The following CENPL variants were observed in gnomAD, a reference collection of about 807,000 sequenced individuals.
CENPL encodes centromere protein L.
Under a neutral mutation model 35.2 loss-of-function variants are expected in CENPL, and 20 were observed. The ratio of observed to expected loss-of-function variants is 0.57; its 90% confidence interval spans 0.40 to 0.83. The LOEUF is 0.83. Among genes scored for constraint, CENPL ranks in the 40% least tolerant of loss-of-function variants. The probability of loss-of-function intolerance (pLI) is 0.00; values close to 1 mark genes in which losing one functional copy is unlikely to be tolerated. For missense variants in CENPL, 363 were observed against 395.8 expected (o/e 0.92, Z 0.70); for synonymous variants, 140 against 140.6 (o/e 1.00, Z 0.03).
chr1:173,819,202 C>T (rs1651702222), intron 2 of CENPL, among the ~76,000 whole-genome samples: 1 of 151,878 alleles, frequency 6.6e-6, no homozygotes, highest in African/African-American at 2.4e-5. Flanking sequence ...CCACCGAATT[C>T]CAGCCTGGGT....
intron 3 of CENPL, 143 bp from the exon 4 acceptor site, chr1:173,807,661 T>C: frequency 1.6e-6 from 1 of 608,266 alleles, no homozygotes; most frequent in Non-Finnish European, 2.8e-6. Flanking sequence ...CAGGACTTTT[T>C]GCAGATCCTT....
Position 173,800,438 on chromosome 1 carries a change from A to T in CENPL, c.*10T>A, listed in dbSNP as rs747250403. 1 of 1,154,196 alleles carries T rather than the reference A, an allele frequency of 8.7e-7. No homozygotes were observed. The highest frequency in any genetic ancestry group is 1.2e-5 in the South Asian group (1 of 80,254). 71.5% of individuals were successfully genotyped at this position (1,154,196 alleles called of 1,614,324 possible). On this transcript the variant is annotated 3_prime_UTR_variant, in exon 6 of 6. Transcript: ENST00000682279. ...GTATATAATCTATAACTTATAGTCCACATAAGGCTTCACTCAATTTGAAAA... is the reference window on the plus strand; with the variant it reads ...GTATATAATCTATAACTTATAGTCCTCATAAGGCTTCACTCAATTTGAAAA...
Position 173,806,644 on chromosome 1 carries a change from A to C in CENPL, c.420+623T>G, listed in dbSNP as rs1406753673. On this transcript the variant is annotated intron_variant, in intron 4 of 5. Coordinates refer to ENST00000682279, the MANE Select transcript of CENPL (RefSeq NM_001387287.1). ...TTATATTCCTTCCTGTAAGTAGTAT[A>C]TAAGAGCAACAGAACTATCTTAAGA... 9 of 234,534 alleles carry C rather than the reference A, an allele frequency of 3.8e-5. No individual in the cohort carries two copies. In the East Asian group the frequency reaches 6.3e-4, roughly 16 times the overall value. 14.5% of individuals were successfully genotyped at this position (234,534 alleles called of 1,614,324 possible). A position where few individuals can be genotyped will look rare whatever the true frequency, so the allele number is the denominator to read the frequency against.
intron 4 of CENPL, among the ~76,000 whole-genome samples, chr1:173,805,890 G>A (rs1650181472): frequency 6.6e-6 from 1 of 152,026 alleles, no homozygotes; most frequent in African/African-American, 2.4e-5. Context: ...TTAATTCACT[G>A]TTATTTAGGC....
intron 3 of CENPL, among the ~76,000 whole-genome samples, chr1:173,808,103 G>T (rs1042794126): frequency 1.3e-5 from 2 of 151,970 alleles, no homozygotes; most frequent in Admixed American, 6.6e-5. Flanking sequence ...AATTTGATTA[G>T]TCTTAATTTA....
At chr1:173,809,172 C>T (rs1650557148) in intron 3 of CENPL, among the ~76,000 whole-genome samples, 1 of 152,088 alleles carries the variant, frequency 6.6e-6, no homozygotes. Context: ...GAAACCCGGT[C>T]TCTACTAACA....
At chr1:173,817,598 A>G (rs1251862727) in intron 2 of CENPL, among the ~76,000 whole-genome samples, 3 of 152,328 alleles carry the variant, frequency 2.0e-5, no homozygotes, top group East Asian at 3.9e-4. Context: ...ACAGTGTGGC[A>G]ATTCCTCAAG....
Position 173,823,995 on chromosome 1 carries a change from A to G in CENPL, c.-77T>C, listed in dbSNP as rs550690172. The G allele has an allele frequency of 1.3e-5, 2 of 152,026 alleles. No individual in the cohort carries two copies. Among genetic ancestry groups the G allele is most frequent in the East Asian group, 3.9e-4 (2 of 5,176 alleles). 9.4% of individuals were successfully genotyped at this position (152,026 alleles called of 1,614,324 possible). On this transcript the variant is annotated 5_prime_UTR_variant, in exon 2 of 6. Coordinates refer to ENST00000682279, the MANE Select transcript of CENPL (RefSeq NM_001387287.1). The stretch of plus-strand genomic sequence containing the variant: ...AATCATTCTTCAAAAGTCCGGCTCC[A>G]AAACTATGTGGAGACTGAAATCCCC...
chr1:173,813,856 C>T (rs1018290125), intron 2 of CENPL, among the ~76,000 whole-genome samples: 1 of 152,024 alleles, frequency 6.6e-6, no homozygotes, highest in African/African-American at 2.4e-5. Flanking sequence ...GGACTAAATA[C>T]CCCCATTAAA....
intron 2 of CENPL, among the ~76,000 whole-genome samples, chr1:173,821,394 G>A (rs1047393428): frequency 6.6e-6 from 1 of 152,150 alleles, no homozygotes; most frequent in Admixed American, 6.6e-5. Flanking sequence ...GATCAATTAT[G>A]AGGCAACATA....
intron 3 of CENPL, among the ~76,000 whole-genome samples, chr1:173,808,180 G>C (rs551210033): frequency 7.0e-4 from 106 of 152,230 alleles, no homozygotes; most frequent in African/African-American, 2.5e-3. Flanking sequence ...GGCTGAGGCA[G>C]GCGGATCACA....
intron 4 of CENPL, among the ~76,000 whole-genome samples, chr1:173,805,962 G>A (rs1457489485): frequency 6.6e-6 from 1 of 152,150 alleles, no homozygotes; most frequent in Non-Finnish European, 1.5e-5. Flanking sequence ...TCAGGGGTCA[G>A]CAAATTTTTT....
intron 2 of CENPL, among the ~76,000 whole-genome samples, chr1:173,816,012 C>CA (rs1651337626): frequency 6.6e-6 from 1 of 152,144 alleles, no homozygotes. Context: ...AATCAATGTG[C>CA]AAAAATCACA....
At chr1:173,816,192 A>G (rs1651358691) in intron 2 of CENPL, among the ~76,000 whole-genome samples, 2 of 152,214 alleles carry the variant, frequency 1.3e-5, no homozygotes, top group Admixed American at 1.3e-4. Context: ...GAGGACACAA[A>G]CAAATGGAAG....
intron 2 of CENPL, chr1:173,823,516 T>G (rs566828049): frequency 6.6e-6 from 1 of 152,344 alleles, no homozygotes; most frequent in African/African-American, 2.4e-5. Flanking sequence ...ATGATCACTC[T>G]ACTGTTCTCC....
chr1:173,803,132 C>A lies in CENPL; in HGVS notation c.794G>T (p.Trp265Leu), dbSNP rs1189955949. The change falls in exon 5 of 6, where the codon TGG becomes TTG. Residue 265 changes from tryptophan to leucine, a missense_variant. Trp to Leu is a moderately conservative substitution (Grantham distance 61). Transcript: ENST00000682279. Reference protein sequence around the residue: ...AIHPEDAKALWDSVHKTPGEV... With the variant: ...AIHPEDAKALLDSVHKTPGEV... Reference sequence around the variant, plus strand: ...CCCAGGTGTTTTGTGGACACTGTCCCATAGAGCTTTTGCATCCTCTGGATG... The same window carrying A: ...CCCAGGTGTTTTGTGGACACTGTCCAATAGAGCTTTTGCATCCTCTGGATG... The A allele has an allele frequency of 2.5e-6, 4 of 1,614,002 alleles. No individual in the cohort carries two copies. The highest frequency in any genetic ancestry group is 3.4e-6 in the Non-Finnish European group (4 of 1,179,984).
chr1:173,821,207 C>T (rs1651909591), intron 2 of CENPL, among the ~76,000 whole-genome samples: 1 of 152,174 alleles, frequency 6.6e-6, no homozygotes. Flanking sequence ...CTCATTTAAT[C>T]TTCAAACAAC....
In CENPL at chr1:173,803,488, T is replaced by C. The variant is rs528965924; in HGVS notation, c.438A>G (p.Gln146=). 15 of 1,571,236 alleles carry C rather than the reference T, an allele frequency of 9.5e-6. No individual in the cohort carries two copies. Among genetic ancestry groups the C allele is most frequent in the African/African-American group, 8.2e-5 (6 of 73,338 alleles). Residue 146 remains glutamine (Q), a synonymous_variant, in exon 5 of 6, where the codon CAA becomes CAG. Coordinates refer to ENST00000682279, the MANE Select transcript of CENPL (RefSeq NM_001387287.1). ...AFLVQIVSKS[Q]LPSENREGKV... is the part of the protein sequence containing the mutation. The stretch of plus-strand genomic sequence containing the variant: ...TACCTTCTCTATTCTCAGATGGCAA[T>C]TGAGATTTTGACACAATCTACAAAG...
chr1:173,815,800 C>A (rs190772935), intron 2 of CENPL, among the ~76,000 whole-genome samples: 1 of 152,272 alleles, frequency 6.6e-6, no homozygotes, highest in East Asian at 1.9e-4. Flanking sequence ...CCTCTCTCAC[C>A]ACTCCTATTC....
Sources: gnomAD v4.1 joint callset for allele counts (sites outside exome capture counted in the v4.1 genomes callset) on GRCh38, gnomAD v4.1.1 for gene constraint, MANE v1.5 for transcripts, NCBI Gene and HGNC (gene_info 2026-07-23, HGNC 2026-07-21) for gene names.